CAST: variants seen among roughly 807,000 people sequenced by gnomAD.
The protein encoded by CAST is MIR583 host.
A neutral mutation model predicts 119.6 loss-of-function variants in CAST; 76 were observed. The ratio of observed to expected loss-of-function variants is 0.64; its 90% CI spans 0.53 to 0.77. The LOEUF (loss-of-function observed/expected upper bound fraction) is 0.77. CAST is among the 30% of genes least tolerant of loss of function. The pLI is 0.00. For synonymous variants in CAST, 319 were observed against 331.6 expected (o/e 0.96, Z 0.41); for missense variants, 953 against 946.5 (o/e 1.01, Z -0.09).
the CAST span, chr5:96,432,232 T>C: frequency 4.0e-6 from 4 of 991,072 alleles, no homozygotes; most frequent in African/African-American, 3.2e-5. Flanking sequence ...GTCGCGGGGA[T>C]AGATGGTCCC....
the CAST span, among the ~76,000 whole-genome samples, chr5:96,143,590 A>G: frequency 6.6e-6 from 1 of 152,242 alleles, no homozygotes; most frequent in African/African-American, 2.4e-5. Flanking sequence ...GCTGCCTGCT[A>G]GATATATGTT....
the CAST span, among the ~76,000 whole-genome samples, chr5:96,333,780 C>G: frequency 1.3e-5 from 2 of 151,644 alleles, no homozygotes; most frequent in Admixed American, 1.3e-4. Flanking sequence ...CAACTGAAGG[C>G]AAAATGAGAG....
chr5:96,542,690 A>C (rs559227347), intron 1 of CAST, among the ~76,000 whole-genome samples: 19 of 152,304 alleles, frequency 1.2e-4, no homozygotes, highest in Non-Finnish European at 2.5e-4. Context: ...TATATATTTT[A>C]GATACAAGTT....
At chr5:96,320,398 C>T in the CAST span, among the ~76,000 whole-genome samples, 12 of 151,964 alleles carry the variant, frequency 7.9e-5, no homozygotes, top group African/African-American at 1.4e-4. Flanking sequence ...CCACCACACC[C>T]GGCCAATTTT....
the CAST span, among the ~76,000 whole-genome samples, chr5:96,170,994 G>T: frequency 6.6e-6 from 1 of 152,092 alleles, no homozygotes; most frequent in Non-Finnish European, 1.5e-5. Context: ...AGGTCAGATG[G>T]GTCCGTAGAA....
At chr5:96,206,325 A>C in the CAST span, among the ~76,000 whole-genome samples, 1 of 151,854 alleles carries the variant, frequency 6.6e-6, no homozygotes, top group Non-Finnish European at 1.5e-5. Context: ...CCGCTTGTCA[A>C]TTTTTGTTTT....
the CAST span, among the ~76,000 whole-genome samples, chr5:96,422,900 T>C: frequency 1.4e-4 from 22 of 151,968 alleles, no homozygotes; most frequent in Non-Finnish European, 5.9e-5. Context: ...ATGGAAGGAA[T>C]CACATTCATA....
chr5:96,191,548 C>T, the CAST span, among the ~76,000 whole-genome samples: 2 of 152,126 alleles, frequency 1.3e-5, no homozygotes, highest in Admixed American at 6.5e-5. Flanking sequence ...ACATTGCTTC[C>T]CATAATTATG....
chr5:96,113,914 T>C, the CAST span, among the ~76,000 whole-genome samples: 7 of 152,244 alleles, frequency 4.6e-5, no homozygotes, highest in Non-Finnish European at 8.8e-5. Flanking sequence ...GATGACTATG[T>C]GCATTATATC....
the CAST span, among the ~76,000 whole-genome samples, chr5:96,424,765 C>A: frequency 6.6e-6 from 1 of 151,912 alleles, no homozygotes; most frequent in Non-Finnish European, 1.5e-5. Flanking sequence ...GAGTTCGAGA[C>A]CAGACTGACC....
the CAST span, among the ~76,000 whole-genome samples, chr5:96,046,201 T>C: frequency 6.6e-6 from 1 of 152,118 alleles, no homozygotes; most frequent in East Asian, 1.9e-4. Context: ...ATGGACAGCG[T>C]TGCAGGCCGT....
chr5:96,309,153 G>A, the CAST span, among the ~76,000 whole-genome samples: 1 of 152,222 alleles, frequency 6.6e-6, no homozygotes. Flanking sequence ...GAGATGCACT[G>A]CCCAGAGAGG....
the CAST span, among the ~76,000 whole-genome samples, chr5:96,440,613 C>T: frequency 6.6e-6 from 1 of 152,054 alleles, no homozygotes; most frequent in African/African-American, 2.4e-5. Flanking sequence ...TGAGGGGGTC[C>T]GTTTAAGGCT....
At chr5:96,143,622 CA>C in the CAST span, among the ~76,000 whole-genome samples, 2 of 152,246 alleles carry the variant, frequency 1.3e-5, no homozygotes, top group African/African-American at 4.8e-5. Flanking sequence ...TGAGTCTAAC[CA>C]TTAACAATGG....
intron 1 of CAST, among the ~76,000 whole-genome samples, chr5:96,545,062 T>G (rs1393051936): frequency 6.6e-6 from 1 of 152,192 alleles, no homozygotes; most frequent in African/African-American, 2.4e-5. Flanking sequence ...AAAATACACC[T>G]TGGTAATTGT....
the CAST span, among the ~76,000 whole-genome samples, chr5:96,364,924 A>G: frequency 1.3e-5 from 2 of 152,104 alleles, no homozygotes; most frequent in African/African-American, 4.8e-5. Flanking sequence ...TTAGGGTGTC[A>G]ATTTTAGATC....
the CAST span, among the ~76,000 whole-genome samples, chr5:96,259,803 T>C: frequency 6.6e-6 from 1 of 152,164 alleles, no homozygotes; most frequent in Non-Finnish European, 1.5e-5. Context: ...TGCTATTTCT[T>C]TACCTTTTGT....
At chr5:96,082,556 T>G in the CAST span, among the ~76,000 whole-genome samples, 15 of 152,222 alleles carry the variant, frequency 9.9e-5, no homozygotes, top group African/African-American at 3.6e-4. Flanking sequence ...AAAATTCATT[T>G]CTACTTATTT....
the CAST span, among the ~76,000 whole-genome samples, chr5:96,456,912 G>A: frequency 6.6e-6 from 1 of 152,128 alleles, no homozygotes; most frequent in Non-Finnish European, 1.5e-5. Context: ...CCTTTTGCTT[G>A]GCATTTCTCC....
Sources: allele counts gnomAD v4.1 joint callset (sites outside exome capture counted in the v4.1 genomes callset), GRCh38; gene constraint gnomAD v4.1.1; transcripts MANE v1.5; gene names NCBI Gene and HGNC (gene_info 2026-07-23, HGNC 2026-07-21).